Variants in MTUS1 observed in about 807,000 individuals in gnomAD.
MTUS1 encodes microtubule associated scaffold protein 1.
A neutral mutation model predicts 120.8 loss-of-function variants in MTUS1; 109 were observed. That is an observed-to-expected ratio of 0.90 (90% confidence interval 0.77 to 1.06). MTUS1 has a LOEUF of 1.06. MTUS1 is among the 50% of genes least tolerant of loss of function. The probability of loss-of-function intolerance (pLI) is 0.00; values close to 1 mark genes in which losing one functional copy is unlikely to be tolerated. For missense variants in MTUS1, 2,210 were observed against 1,486.3 expected, an observed-to-expected ratio of 1.49 and a Z score of -8.01; for synonymous variants, 737 against 550.5, an observed-to-expected ratio of 1.34 and a Z score of -4.74.
intron 1 of MTUS1, among the ~76,000 whole-genome samples, chr8:17,758,925 G>A (rs1253880609): frequency 7.9e-5 from 12 of 152,086 alleles, no homozygotes; most frequent in African/African-American, 1.9e-4. Context: ...ACTGTCGCCC[G>A]GGCTGGAGTG....
At chr8:17,685,731 A>G (rs548869599) in intron 6 of MTUS1, among the ~76,000 whole-genome samples, 2 of 152,334 alleles carry the variant, frequency 1.3e-5, no homozygotes, top group South Asian at 2.1e-4. Flanking sequence ...GCTGCATTAC[A>G]TGGTTAAATA....
At chr8:17,694,970 G>A (rs1175286362) in intron 6 of MTUS1, among the ~76,000 whole-genome samples, 2 of 152,080 alleles carry the variant, frequency 1.3e-5, no homozygotes, top group African/African-American at 2.4e-5. Flanking sequence ...TTGGTCACCA[G>A]CAGAATCAAG....
At chr8:17,709,994 A>G (rs896519817) in intron 6 of MTUS1, among the ~76,000 whole-genome samples, 4 of 144,390 alleles carry the variant, frequency 2.8e-5, no homozygotes, top group Middle Eastern at 3.7e-3. Context: ...GCGACAGAGC[A>G]AGACTCTGTC....
In MTUS1 at chr8:17,752,014, G is replaced by A. The variant is rs963795141; in HGVS notation, c.2091+1703C>T. On this transcript the variant is annotated intron_variant, in intron 2 of 14. Transcript: ENST00000693296. ...ATCCTAACAGCCAGATTCCTGAGGCGAAAAGTGCTGTTTCTCCAAGACATA... is the reference window on the plus strand; with the variant it reads ...ATCCTAACAGCCAGATTCCTGAGGCAAAAAGTGCTGTTTCTCCAAGACATA... Among the ~76,000 whole-genome samples the A allele has an allele frequency of 5.3e-5, 8 of 151,924 alleles. No individual in the cohort carries two copies. The East Asian group carries it at 7.7e-4, about 15-fold the overall frequency.
intron 1 of MTUS1, among the ~76,000 whole-genome samples, chr8:17,776,678 CAAAAAAAA>C (rs71215272): frequency 1.8e-5 from 1 of 55,156 alleles, no homozygotes; most frequent in African/African-American, 6.9e-5. Flanking sequence ...GACTCTGTCT[CAAAAAAAA>C]AAAAAAAAAA....
At position 17,713,283 on chromosome 8, in the gene MTUS1, T is replaced by C. The variant is rs1385791651; in HGVS notation, c.2585-31A>G. 5 of 1,276,824 alleles carry C rather than the reference T, an allele frequency of 3.9e-6. No individual in the cohort carries two copies. The Admixed American group carries it at 7.5e-5, about 19-fold the overall frequency. The allele number at this position is 1,276,824 out of a possible 1,614,324, so 79.1% of individuals were successfully genotyped here. On this transcript the variant is annotated intron_variant, in intron 5 of 14. Transcript: ENST00000693296. ...ATATAAAAGAAACATGTAAAATACA[T>C]ATGTTTTATTTGACATATCACATAA...
chr8:17,728,951 A>C (rs2046390440), intron 3 of MTUS1, among the ~76,000 whole-genome samples: 1 of 152,236 alleles, frequency 6.6e-6, no homozygotes, highest in Admixed American at 6.5e-5. Flanking sequence ...AAAAATGAAA[A>C]GATTATTGAG....
At chr8:17,738,240 C>A (rs1298790109) in intron 3 of MTUS1, among the ~76,000 whole-genome samples, 1 of 152,186 alleles carries the variant, frequency 6.6e-6, no homozygotes, top group African/African-American at 2.4e-5. Context: ...TCTCATGGGG[C>A]CTTTTCCCCA....
intron 7 of MTUS1, among the ~76,000 whole-genome samples, chr8:17,682,492 T>G (rs569223051): frequency 7.6e-6 from 1 of 131,610 alleles, no homozygotes; most frequent in Non-Finnish European, 1.5e-5. Context: ...CATACCAGTC[T>G]GAGTGACAGA....
chr8:17,729,524 A>G (rs1462261173), intron 3 of MTUS1, among the ~76,000 whole-genome samples: 3 of 152,222 alleles, frequency 2.0e-5, no homozygotes, highest in Non-Finnish European at 4.4e-5. Context: ...ACACATAGAC[A>G]CACACATATG....
intron 6 of MTUS1, among the ~76,000 whole-genome samples, chr8:17,703,415 C>T (rs1490556355): frequency 1.3e-5 from 2 of 152,124 alleles, no homozygotes; most frequent in South Asian, 2.1e-4. Context: ...GGGCAGATCA[C>T]GAGGTCAGGA....
chr8:17,724,508 C>T (rs1329108317), intron 3 of MTUS1, among the ~76,000 whole-genome samples: 1 of 151,260 alleles, frequency 6.6e-6, no homozygotes, highest in Non-Finnish European at 1.5e-5. Flanking sequence ...TTAATCTCAC[C>T]TTTTCTTCTT....
intron 6 of MTUS1, among the ~76,000 whole-genome samples, chr8:17,688,757 T>C (rs1349092956): frequency 3.3e-5 from 5 of 152,222 alleles, no homozygotes; most frequent in Admixed American, 3.3e-4. Context: ...AGTTTTCTAG[T>C]GTTCATTAGC....
chr8:17,773,193 T>C (rs1433032247), intron 1 of MTUS1, among the ~76,000 whole-genome samples: 2 of 152,062 alleles, frequency 1.3e-5, no homozygotes, highest in African/African-American at 2.4e-5. Context: ...CCAAGGAAAA[T>C]AAAAGACTGT....
chr8:17,756,488 G>T (rs180689387), intron 1 of MTUS1, among the ~76,000 whole-genome samples: 3 of 151,788 alleles, frequency 2.0e-5, no homozygotes, highest in Non-Finnish European at 4.4e-5. Flanking sequence ...AAGAACTCAC[G>T]TTTCTCCTTT....
chr8:17,759,664 A>G (rs1368421071), intron 1 of MTUS1, among the ~76,000 whole-genome samples: 1 of 148,372 alleles, frequency 6.7e-6, no homozygotes, highest in African/African-American at 2.4e-5. Flanking sequence ...AATATAAAAT[A>G]TATATATTAT....
intron 12 of MTUS1, among the ~76,000 whole-genome samples, chr8:17,652,880 C>T (rs965945604): frequency 6.6e-6 from 1 of 150,872 alleles, no homozygotes; most frequent in Non-Finnish European, 1.5e-5. Flanking sequence ...TGTTTTATCT[C>T]AATACAGTGA....
intron 3 of MTUS1, among the ~76,000 whole-genome samples, chr8:17,725,989 C>G (rs910589367): frequency 1.3e-5 from 2 of 152,176 alleles, no homozygotes; most frequent in Non-Finnish European, 2.9e-5. Context: ...CTTCTTCCCC[C>G]TCAGGCCATG....
chr8:17,661,644 CA>C (rs761888081), intron 8 of MTUS1, among the ~76,000 whole-genome samples: 241 of 137,264 alleles, frequency 1.8e-3, no homozygotes, highest in Middle Eastern at 3.7e-3. Context: ...CTCTATTCAC[CA>C]AAAAAAAAAA....
Sources: allele counts gnomAD v4.1 joint callset (sites outside exome capture counted in the v4.1 genomes callset), GRCh38; gene constraint gnomAD v4.1.1; transcripts MANE v1.5; gene names NCBI Gene and HGNC (gene_info 2026-07-23, HGNC 2026-07-21).